Variants in TBC1D32 observed in about 807,000 individuals in gnomAD.
TBC1D32 encodes TBC1 domain family member 32.
TBC1D32 carries 151 observed loss-of-function variants against 170.3 expected under a neutral mutation model. The observed-to-expected ratio is 0.89, with a 90% CI of 0.78 to 1.01. The LOEUF (loss-of-function observed/expected upper bound fraction) is 1.01, where lower values mean the gene tolerates loss of function less well. TBC1D32 is among the 50% of genes least tolerant of loss of function. The probability of loss-of-function intolerance (pLI) is 0.00; values close to 1 mark genes in which losing one functional copy is unlikely to be tolerated. For synonymous variants in TBC1D32, 498 were observed against 488.0 expected (o/e 1.02, Z -0.27); for missense variants, 1,464 against 1,457.1 (o/e 1.00, Z -0.08).
chr6:121,255,141 GA>G (rs1422605687), intron 17 of TBC1D32, among the ~76,000 whole-genome samples, 186 bp downstream of exon 17: 2 of 151,814 alleles, frequency 1.3e-5, no homozygotes, highest in African/African-American at 4.8e-5. Flanking sequence ...AATATTGTTA[GA>G]TTTTAAAAAG....
intron 20 of TBC1D32, among the ~76,000 whole-genome samples, chr6:121,228,505 T>A (rs1795331324): frequency 6.6e-6 from 1 of 152,162 alleles, no homozygotes; most frequent in African/African-American, 2.4e-5. Context: ...CCCTTGTGAC[T>A]TCTTTGAGCT....
chr6:121,134,445 C>T (rs970475532), intron 24 of TBC1D32, among the ~76,000 whole-genome samples: 4 of 151,974 alleles, frequency 2.6e-5, no homozygotes, highest in South Asian at 2.1e-4. Flanking sequence ...TAAACAGCAC[C>T]GAGGCAGCAG....
At chr6:121,096,731 A>T (rs562801292) in intron 30 of TBC1D32, among the ~76,000 whole-genome samples, 3 of 152,172 alleles carry the variant, frequency 2.0e-5, no homozygotes, top group Non-Finnish European at 4.4e-5. Flanking sequence ...AAGATCCCAC[A>T]TTGCCAAGAC....
chr6:121,204,161 A>T (rs1365729127), intron 22 of TBC1D32, among the ~76,000 whole-genome samples: 2 of 151,256 alleles, frequency 1.3e-5, no homozygotes, highest in African/African-American at 2.5e-5. Context: ...GAGACTATAG[A>T]CTAAAAATTA....
chr6:121,168,694 C>A (rs1372807172), intron 22 of TBC1D32, among the ~76,000 whole-genome samples: 2 of 78,122 alleles, frequency 2.6e-5, no homozygotes, highest in South Asian at 5.7e-4. Flanking sequence ...CACATGTACC[C>A]TAAAACTTAG....
At chr6:121,128,513 G>C (rs1374968651) in intron 25 of TBC1D32, among the ~76,000 whole-genome samples, 3 of 152,028 alleles carry the variant, frequency 2.0e-5, no homozygotes, top group Admixed American at 6.6e-5. Flanking sequence ...ATTAATTCTA[G>C]GATGTTACTG....
chr6:121,176,586 T>C (rs1787786528), intron 22 of TBC1D32, among the ~76,000 whole-genome samples: 1 of 152,086 alleles, frequency 6.6e-6, no homozygotes, highest in African/African-American at 2.4e-5. Flanking sequence ...CTGTTCAATG[T>C]ACATTACCTG....
chr6:121,305,760 T>C (rs1039912293), intron 5 of TBC1D32, among the ~76,000 whole-genome samples: 10 of 151,424 alleles, frequency 6.6e-5, no homozygotes, highest in Non-Finnish European at 1.2e-4. Flanking sequence ...AAGAGTCCTT[T>C]AGAGGAGGAG....
chr6:121,302,084 T>C (rs1343186554), intron 9 of TBC1D32, among the ~76,000 whole-genome samples: 6 of 152,216 alleles, frequency 3.9e-5, no homozygotes, highest in Admixed American at 3.9e-4. Flanking sequence ...GATATAGTAT[T>C]AAGCTATTTT....
rs570897015 is a variant in TBC1D32 at position 121,151,973 on chromosome 6, T to G, written c.2773+8037A>C. Reference sequence around the variant, plus strand: ...TTTATCCAATTTGCCAGTCTGTGTCTTTTAATTGGGGCATTTAGCTTGTTT... The same window carrying G: ...TTTATCCAATTTGCCAGTCTGTGTCGTTTAATTGGGGCATTTAGCTTGTTT... On this transcript the variant is annotated intron_variant, in intron 24 of 31. Transcript: ENST00000398212. Among the ~76,000 whole-genome samples, 292 of 152,334 alleles carry G rather than the reference T, an allele frequency of 1.9e-3. 1 individual carries two copies. The highest frequency in any genetic ancestry group is 6.5e-3 in the African/African-American group (271 of 41,582).
intron 25 of TBC1D32, among the ~76,000 whole-genome samples, chr6:121,128,450 T>G (rs1781086518): frequency 6.6e-6 from 1 of 152,144 alleles, no homozygotes; most frequent in African/African-American, 2.4e-5. Context: ...GAAAATTCCA[T>G]TAACACAAGG....
At chr6:121,313,045 T>C (rs1269699105) in intron 3 of TBC1D32, among the ~76,000 whole-genome samples, 1 of 151,366 alleles carries the variant, frequency 6.6e-6, no homozygotes, top group Non-Finnish European at 1.5e-5. Flanking sequence ...AAAGCAGTCC[T>C]CCTGCCTCAG....
intron 3 of TBC1D32, among the ~76,000 whole-genome samples, chr6:121,313,265 C>G (rs1314964225): frequency 2.7e-5 from 4 of 148,422 alleles, no homozygotes; most frequent in African/African-American, 1.0e-4. Flanking sequence ...ACTACCATGC[C>G]TGGCCTTAAT....
chr6:121,095,245 A>AT (rs1435026742), intron 30 of TBC1D32, among the ~76,000 whole-genome samples: 1 of 152,134 alleles, frequency 6.6e-6, no homozygotes, highest in African/African-American at 2.4e-5. Context: ...TTCCTAGGCA[A>AT]TTTTGTTCTT....
chr6:121,272,212 C>T (rs1801547678), intron 15 of TBC1D32, among the ~76,000 whole-genome samples: 2 of 152,260 alleles, frequency 1.3e-5, no homozygotes, highest in East Asian at 3.9e-4. Flanking sequence ...GACTTCATGA[C>T]TAAAACACCA....
At chr6:121,269,748 T>C (rs1801091698) in intron 15 of TBC1D32, among the ~76,000 whole-genome samples, 1 of 152,156 alleles carries the variant, frequency 6.6e-6, no homozygotes, top group Non-Finnish European at 1.5e-5. Flanking sequence ...AACTCAGCTC[T>C]GCACCAAGTA....
At chr6:121,136,345 A>C (rs897689698) in intron 24 of TBC1D32, among the ~76,000 whole-genome samples, 1 of 152,202 alleles carries the variant, frequency 6.6e-6, no homozygotes, top group African/African-American at 2.4e-5. Flanking sequence ...ATTTGTATGA[A>C]ATGCTGGAAC....
intron 31 of TBC1D32, among the ~76,000 whole-genome samples, chr6:121,083,827 CAT>C (rs1013681977): frequency 1.3e-5 from 2 of 152,058 alleles, no homozygotes; most frequent in African/African-American, 4.8e-5. Flanking sequence ...ACAATAATAT[CAT>C]ATGATTGCTC....
intron 26 of TBC1D32, among the ~76,000 whole-genome samples, chr6:121,119,918 AG>A (rs1780082853): frequency 6.6e-6 from 1 of 152,118 alleles, no homozygotes; most frequent in South Asian, 2.1e-4. Flanking sequence ...TCTCATTTCC[AG>A]AAACCTAAAA....
Sources: gnomAD v4.1 joint callset for allele counts (sites outside exome capture counted in the v4.1 genomes callset) on GRCh38, gnomAD v4.1.1 for gene constraint, MANE v1.5 for transcripts, NCBI Gene and HGNC (gene_info 2026-07-23, HGNC 2026-07-21) for gene names.